CNTNAP2: variants seen among roughly 807,000 people sequenced by gnomAD.
CNTNAP2 encodes contactin associated protein 2, also known as contactin-associated protein-like 2.
Under a neutral mutation model 155.2 loss-of-function variants are expected in CNTNAP2, and 98 were observed. That is an observed-to-expected ratio of 0.63 (90% CI 0.54 to 0.75). The LOEUF (loss-of-function observed/expected upper bound fraction) is 0.75. CNTNAP2 is among the 30% of genes least tolerant of loss of function. CNTNAP2 has a pLI of 0.00. For synonymous variants in CNTNAP2, 651 were observed against 631.2 expected (o/e 1.03, Z -0.47); for missense variants, 1,727 against 1,688.1 (o/e 1.02, Z -0.40).
At chr7:146,747,694 A>G (rs554544947) in intron 1 of CNTNAP2, among the ~76,000 whole-genome samples, 1 of 152,214 alleles carries the variant, frequency 6.6e-6, no homozygotes, top group Admixed American at 6.5e-5. Flanking sequence ...TTTTAAATGT[A>G]CTATGTGTGT....
chr7:146,975,096 A>G (rs577636777), intron 3 of CNTNAP2, among the ~76,000 whole-genome samples: 2 of 152,346 alleles, frequency 1.3e-5, no homozygotes, highest in South Asian at 4.1e-4. Context: ...ATAGAACAGA[A>G]GTACATATTT....
intron 2 of CNTNAP2, among the ~76,000 whole-genome samples, chr7:146,776,014 T>C (rs192576288): frequency 6.6e-6 from 1 of 152,050 alleles, no homozygotes; most frequent in Admixed American, 6.6e-5. Flanking sequence ...TGCATAAAGA[T>C]GTTGAAGTAA....
intron 15 of CNTNAP2, among the ~76,000 whole-genome samples, chr7:148,099,868 G>GTTTTTT (rs751537152): frequency 2.8e-4 from 25 of 88,806 alleles, no homozygotes; most frequent in Non-Finnish European, 3.7e-4. Flanking sequence ...TTTTTTTTTG[G>GTTTTTT]TTTTTTTTTT....
At chr7:146,962,749 C>G (rs916931832) in intron 3 of CNTNAP2, 1 of 152,210 alleles carries the variant, frequency 6.6e-6, no homozygotes, top group African/African-American at 2.4e-5. Context: ...CAGGGTTTTG[C>G]CATGTTGGCC....
rs17170850 is a variant in CNTNAP2 at position 148,145,254 on chromosome 7, G to A, written c.2555-2237G>A. Among the ~76,000 whole-genome samples, 976 of 152,240 alleles carry A rather than the reference G, an allele frequency of 6.4e-3. 10 individuals carry two copies. The highest frequency in any genetic ancestry group is 0.023 in the African/African-American group (938 of 41,550). ...ATTAGGGTGAGAGGCTCTGAGCTAC[G>A]GCATCGTCCTGGCAACTTTCTTCCC... On this transcript the variant is annotated intron_variant, in intron 16 of 23. Transcript: ENST00000361727.
intron 12 of CNTNAP2, among the ~76,000 whole-genome samples, chr7:147,573,463 A>T (rs1800331911): frequency 6.6e-6 from 1 of 152,034 alleles, no homozygotes; most frequent in Non-Finnish European, 1.5e-5. Flanking sequence ...TCTTCACTGG[A>T]CCCCTATTTG....
chr7:147,373,401 A>G (rs1796381937), intron 9 of CNTNAP2, among the ~76,000 whole-genome samples: 1 of 152,086 alleles, frequency 6.6e-6, no homozygotes, highest in African/African-American at 2.4e-5. Context: ...GCCATTTACT[A>G]TGAATTTTAG....
At chr7:148,078,867 A>T (rs1803545679) in intron 15 of CNTNAP2, among the ~76,000 whole-genome samples, 1 of 152,264 alleles carries the variant, frequency 6.6e-6, no homozygotes, top group Non-Finnish European at 1.5e-5. Context: ...ATTGAAATCT[A>T]GATTTTAAAA....
chr7:148,065,611 G>C (rs865927590), intron 15 of CNTNAP2, among the ~76,000 whole-genome samples: 1 of 152,080 alleles, frequency 6.6e-6, no homozygotes, highest in Non-Finnish European at 1.5e-5. Flanking sequence ...AGCTACTCCT[G>C]CTCACTTTTG....
chr7:148,380,939 A>G (rs967981349), intron 21 of CNTNAP2, among the ~76,000 whole-genome samples: 5 of 152,230 alleles, frequency 3.3e-5, no homozygotes, highest in African/African-American at 4.8e-5. Context: ...CACGCATGTG[A>G]ATGAGGCAGG....
At chr7:147,398,266 G>T (rs557009098) in intron 10 of CNTNAP2, among the ~76,000 whole-genome samples, 2 of 151,800 alleles carry the variant, frequency 1.3e-5, no homozygotes, top group Non-Finnish European at 2.9e-5. Context: ...CTTTCTCCTC[G>T]CTGAGACTTT....
chr7:147,561,778 C>T (rs1395776297), intron 11 of CNTNAP2, among the ~76,000 whole-genome samples: 1 of 152,124 alleles, frequency 6.6e-6, no homozygotes, highest in Non-Finnish European at 1.5e-5. Flanking sequence ...ACCAACAAAG[C>T]AGCCAATATA....
chr7:146,265,809 A>G (rs541431738), intron 1 of CNTNAP2, among the ~76,000 whole-genome samples: 1 of 152,230 alleles, frequency 6.6e-6, no homozygotes, highest in South Asian at 2.1e-4. Flanking sequence ...ATTTGATCAT[A>G]TTTTGAAAAT....
intron 5 of CNTNAP2, among the ~76,000 whole-genome samples, chr7:147,109,437 C>T (rs915969097): frequency 6.6e-6 from 1 of 152,056 alleles, no homozygotes; most frequent in African/African-American, 2.4e-5. Flanking sequence ...TCAGTTTGGA[C>T]ATGGTTAATT....
intron 6 of CNTNAP2, 78 bp from the exon 7 acceptor site, chr7:147,128,615 C>T: frequency 6.5e-7 from 1 of 1,527,866 alleles, no homozygotes; most frequent in Non-Finnish European, 9.1e-7. Context: ...AGATACTTGA[C>T]CTTCACTGTA....
intron 1 of CNTNAP2, among the ~76,000 whole-genome samples, chr7:146,591,298 T>G (rs1166031561): frequency 6.6e-6 from 1 of 152,188 alleles, no homozygotes; most frequent in African/African-American, 2.4e-5. Flanking sequence ...GGATGAGGGA[T>G]ACTCAGCCTG....
chr7:148,107,452 C>T (rs568017550), intron 15 of CNTNAP2, among the ~76,000 whole-genome samples: 73 of 152,236 alleles, frequency 4.8e-4, no homozygotes, highest in East Asian at 7.7e-4. Flanking sequence ...GCTTGCTGGA[C>T]GGGAAGAAAT....
chr7:147,945,308 A>G (rs1047137928), intron 14 of CNTNAP2, among the ~76,000 whole-genome samples: 2 of 152,222 alleles, frequency 1.3e-5, no homozygotes, highest in African/African-American at 2.4e-5. Flanking sequence ...TAATAGAGGA[A>G]GATGTGATTT....
At position 146,754,371 on chromosome 7, in the gene CNTNAP2, A is replaced by G. The variant is rs185979887; in HGVS notation, c.98-19900A>G. On this transcript the variant is annotated intron_variant, in intron 1 of 23. Coordinates refer to ENST00000361727, the MANE Select transcript of CNTNAP2 (RefSeq NM_014141.6). ...ACATTTTCCCCTCCAAGGAGAAAAA[A>G]TCATGTCCGTTAAGTATATTTTGAT... 2.8e-3 allele frequency among the ~76,000 whole-genome samples: 421 copies of G among 151,980 alleles called. 3 individuals carry two copies. Among genetic ancestry groups the G allele is most frequent in the Admixed American group, 4.3e-3 (65 of 15,252 alleles).
Sources: allele counts gnomAD v4.1 joint callset (sites outside exome capture counted in the v4.1 genomes callset), GRCh38; gene constraint gnomAD v4.1.1; transcripts MANE v1.5; gene names NCBI Gene and HGNC (gene_info 2026-07-23, HGNC 2026-07-21).